Variants in TUBGCP3 observed in about 807,000 individuals in gnomAD.
TUBGCP3 encodes the protein gamma-tubulin complex component 3.
A neutral mutation model predicts 123.1 loss-of-function variants in TUBGCP3; 50 were observed. That is an observed-to-expected ratio of 0.41 (90% CI 0.32 to 0.51). The LOEUF (loss-of-function observed/expected upper bound fraction) is 0.51, where lower values mean the gene tolerates loss of function less well. Among genes scored for constraint, TUBGCP3 ranks in the 20% least tolerant of loss-of-function variants. TUBGCP3 has a pLI of 0.36. For missense variants in TUBGCP3, 882 were observed against 1,127.0 expected, an observed-to-expected ratio of 0.78 and a Z score of 3.11; for synonymous variants, 405 against 413.9, an observed-to-expected ratio of 0.98 and a Z score of 0.26.
intron 13 of TUBGCP3, 138 bp downstream of exon 13, chr13:112,526,804 C>T (rs745825140): frequency 1.1e-5 from 7 of 649,260 alleles, no homozygotes; most frequent in Admixed American, 5.7e-5. Context: ...ATTATCATCA[C>T]ATCACCATCA....
chr13:112,490,609 C>T (rs967298314), intron 20 of TUBGCP3, among the ~76,000 whole-genome samples: 2 of 152,220 alleles, frequency 1.3e-5, no homozygotes, highest in Non-Finnish European at 2.9e-5. Flanking sequence ...TTTCCCAAAC[C>T]TATGCATTCC....
At chr13:112,596,512 T>G in the TUBGCP3 span, among the ~76,000 whole-genome samples, 1 of 152,232 alleles carries the variant, frequency 6.6e-6, no homozygotes, top group African/African-American at 2.4e-5. Context: ...TCTCTCTGGC[T>G]GTTTTCAATA....
In TUBGCP3 at chr13:112,574,796, A is replaced by T. The variant is rs534028005; in HGVS notation, c.77-5537T>A. Among the ~76,000 whole-genome samples the T allele has an allele frequency of 1.5e-4, 23 of 152,260 alleles. No homozygotes were observed. The South Asian group carries it at 4.4e-3, about 29-fold the overall frequency. On this transcript the variant is annotated intron_variant, in intron 1 of 21. Coordinates refer to ENST00000261965, the MANE Select transcript of TUBGCP3 (RefSeq NM_006322.6). ...AGGAAATCCTGGAATGACTTCCCCC[A>T]TTTTTGCTTTTTGATATTTTCTTTA... is the stretch of plus-strand genomic sequence containing the variant.
chr13:112,595,629 G>C, the TUBGCP3 span, among the ~76,000 whole-genome samples: 1 of 151,944 alleles, frequency 6.6e-6, no homozygotes, highest in African/African-American at 2.4e-5. Context: ...ATATTAATAG[G>C]ACTGCCTCTT....
At chr13:112,510,136 C>T (rs1881576946) in intron 17 of TUBGCP3, among the ~76,000 whole-genome samples, 1 of 152,154 alleles carries the variant, frequency 6.6e-6, no homozygotes, top group Non-Finnish European at 1.5e-5. Flanking sequence ...ACTATCTCCT[C>T]CCGCTTGGGC....
chr13:112,511,071 C>A lies in TUBGCP3; in HGVS notation c.2086+5369G>T, dbSNP rs1174943535. Among the ~76,000 whole-genome samples, 1 of 152,166 alleles carries A rather than the reference C, an allele frequency of 6.6e-6. No individual in the cohort carries two copies. Among genetic ancestry groups the A allele is most frequent in the African/African-American group, 2.4e-5 (1 of 41,452 alleles). On this transcript the variant is annotated intron_variant, in intron 17 of 21. Coordinates refer to ENST00000261965, the MANE Select transcript of TUBGCP3 (RefSeq NM_006322.6). This position sits in a 1 kb window ranked among gnomAD's most constrained non-coding sequence, Gnocchi z 4.1. ...ACAAAGAAATTTTTAAAGAGAAAAACTTCAACTCATCCTTTATCATTCACT... is the reference window on the plus strand; with the variant it reads ...ACAAAGAAATTTTTAAAGAGAAAAAATTCAACTCATCCTTTATCATTCACT...
intron 11 of TUBGCP3, among the ~76,000 whole-genome samples, chr13:112,534,309 G>A (rs1365271158): frequency 1.3e-5 from 2 of 152,180 alleles, no homozygotes; most frequent in Non-Finnish European, 1.5e-5. Flanking sequence ...CACTCTGGGA[G>A]GCCGAGAGGG....
chr13:112,489,734 C>T (rs751020857), intron 20 of TUBGCP3, 37 bp from the exon 21 acceptor site: 35 of 1,548,366 alleles, frequency 2.3e-5, no homozygotes, highest in African/African-American at 4.1e-5. Flanking sequence ...AGTAAAATCA[C>T]GATGGAAAAC....
intron 3 of TUBGCP3, among the ~76,000 whole-genome samples, chr13:112,560,273 A>G (rs576160726): frequency 6.6e-5 from 10 of 152,052 alleles, no homozygotes; most frequent in Non-Finnish European, 1.2e-4. Context: ...TACTAAAAAT[A>G]CAAAAAATTA....
chr13:112,604,890 A>G, the TUBGCP3 span: 3 of 152,116 alleles, frequency 2.0e-5, no homozygotes, highest in African/African-American at 4.8e-5. Context: ...GCCTCCTAAT[A>G]CCCCATCACA....
upstream of TUBGCP3, among the ~76,000 whole-genome samples, chr13:112,589,458 T>C (rs7317114): frequency 0.14 from 20,891 of 152,204 alleles, 2,441 homozygotes; most frequent in African/African-American, 0.31. Context: ...CCCAAAGAAA[T>C]AGAAAGTGCT....
intron 18 of TUBGCP3, 41 bp downstream of exon 18, chr13:112,504,585 G>C (rs754133192): frequency 6.7e-7 from 1 of 1,503,232 alleles, no homozygotes; most frequent in East Asian, 2.3e-5. Flanking sequence ...GCCAAGACAT[G>C]ACTTATTTAA....
chr13:112,563,246 A>C (rs1393360739), intron 3 of TUBGCP3, among the ~76,000 whole-genome samples: 2 of 152,214 alleles, frequency 1.3e-5, no homozygotes, highest in African/African-American at 2.4e-5. Context: ...TGGTCTGCAC[A>C]GCACACCCAC....
chr13:112,493,398 C>T (rs1351747919), intron 20 of TUBGCP3, among the ~76,000 whole-genome samples: 4 of 144,218 alleles, frequency 2.8e-5, no homozygotes, highest in Admixed American at 6.9e-5. Flanking sequence ...GCTATGGGAA[C>T]GTGGCCTGGT....
intron 10 of TUBGCP3, 27 bp downstream of exon 10, chr13:112,547,593 C>A: frequency 2.1e-6 from 3 of 1,457,316 alleles, no homozygotes; most frequent in Non-Finnish European, 2.7e-6. Context: ...GTGGGAAAGA[C>A]GTGCGTGGGA....
At chr13:112,497,993 C>A (rs1879111086) in intron 20 of TUBGCP3, among the ~76,000 whole-genome samples, 1 of 151,992 alleles carries the variant, frequency 6.6e-6, no homozygotes, top group Non-Finnish European at 1.5e-5. Context: ...TGAAAATAAC[C>A]GTTAAGTACA....
chr13:112,496,464 C>T (rs750673368), intron 20 of TUBGCP3, among the ~76,000 whole-genome samples: 3 of 152,158 alleles, frequency 2.0e-5, no homozygotes, highest in African/African-American at 4.8e-5. Flanking sequence ...GACCTCAGGT[C>T]GAAATGATGG....
intron 16 of TUBGCP3, 147 bp downstream of exon 16, chr13:112,518,828 G>T: frequency 1.6e-6 from 1 of 644,372 alleles, no homozygotes. Context: ...ACACAATTTT[G>T]GCTTAAGTAT....
intron 2 of TUBGCP3, among the ~76,000 whole-genome samples, chr13:112,568,005 T>G (rs1279941161): frequency 6.6e-6 from 1 of 151,120 alleles, no homozygotes; most frequent in East Asian, 1.9e-4. Context: ...CTAAAAGATG[T>G]TACTACTGAG....
Sources: allele counts gnomAD v4.1 joint callset (sites outside exome capture counted in the v4.1 genomes callset), GRCh38; gene constraint gnomAD v4.1.1; non-coding constraint Gnocchi (gnomAD v3.1); transcripts MANE v1.5; gene names NCBI Gene and HGNC (gene_info 2026-07-23, HGNC 2026-07-21).